The following SYN1 variants were observed in gnomAD, a reference collection of about 807,000 sequenced individuals.
SYN1 encodes synapsin I.
In SYN1, 8 loss-of-function variants were observed where a neutral mutation model predicts 44.6. The ratio of observed to expected loss-of-function variants is 0.18; its 90% CI spans 0.11 to 0.32. The LOEUF (loss-of-function observed/expected upper bound fraction) is 0.32. Ranked by LOEUF, SYN1 falls within the 10% of genes least tolerant of loss-of-function variation. SYN1 has a pLI of 1.00. For missense variants in SYN1, 451 were observed against 639.4 expected (o/e 0.71, Z 3.18); for synonymous variants, 275 against 280.1 (o/e 0.98, Z 0.18).
rs968471465 is a variant in SYN1 at position 47,619,777 on chromosome X, G to A, written c.-49C>T. 1.8e-6 allele frequency: 2 copies of A among 1,134,019 alleles called. No individual in the cohort carries two copies. Among genetic ancestry groups the A allele is most frequent in the Non-Finnish European group, 2.3e-6 (2 of 851,315 alleles). The allele number at this position is 1,134,019 out of a possible 1,213,427, so 93.5% of individuals were successfully genotyped here. ...CCTAGGGGTGGTCTGGCCAGGAGCC[G>A]CGGGGGCGGACTGCGCGGTGCCCAG... On this transcript the variant is annotated 5_prime_UTR_variant, in exon 1 of 13. Coordinates refer to ENST00000295987, the MANE Select transcript of SYN1 (RefSeq NM_006950.3).
chrX:47,586,596 G>C, intron 5 of SYN1: 1 of 1,212,174 alleles, frequency 8.2e-7, no homozygotes, highest in Non-Finnish European at 1.1e-6. Flanking sequence ...GCTCCTCCAA[G>C]GCTCTGAAAA....
intron 5 of SYN1, among the ~76,000 whole-genome samples, chrX:47,593,150 C>T (rs2057853403): frequency 9.0e-6 from 1 of 111,436 alleles, no homozygotes; most frequent in Non-Finnish European, 1.9e-5. Flanking sequence ...CTGCCTTGGC[C>T]TCCCAAAGTG....
At chrX:47,608,588 A>G (rs2057907032) in intron 1 of SYN1, among the ~76,000 whole-genome samples, 1 of 110,726 alleles carries the variant, frequency 9.0e-6, no homozygotes, top group Admixed American at 9.6e-5. Flanking sequence ...GTAGCTGGCA[A>G]TGATGGGGGG....
At chrX:47,615,632 C>A (rs1216413165) in intron 1 of SYN1, among the ~76,000 whole-genome samples, 1 of 112,156 alleles carries the variant, frequency 8.9e-6, no homozygotes, top group Non-Finnish European at 1.9e-5. Context: ...GAGAGCCGGG[C>A]ACGGTGGCTC....
chrX:47,585,350 G>A lies in SYN1; in HGVS notation c.775-7849C>T, dbSNP rs768138714. On this transcript the variant is annotated intron_variant, in intron 5 of 12. Transcript: ENST00000295987. ...ATTGCTGGTGAGGCACCGTCCCCGC[G>A]CCCTGTGCCACACCAACCAGTCCCT... The A allele has an allele frequency of 3.2e-5, 39 of 1,209,155 alleles. No individual in the cohort carries two copies. In the South Asian group the frequency reaches 5.6e-4, roughly 18 times the overall value.
intron 5 of SYN1, among the ~76,000 whole-genome samples, chrX:47,589,223 G>A (rs1487978470): frequency 9.3e-6 from 1 of 107,406 alleles, no homozygotes; most frequent in East Asian, 2.9e-4. Context: ...TTTGAACCCA[G>A]GAGGCGGAAG....
chrX:47,596,010 T>G (rs2057862608), intron 5 of SYN1, among the ~76,000 whole-genome samples: 1 of 112,529 alleles, frequency 8.9e-6, no homozygotes. Flanking sequence ...GAACTTCTCT[T>G]GTACACATCC....
chrX:47,589,272 G>C (rs2147921195), intron 5 of SYN1, among the ~76,000 whole-genome samples: 1 of 96,796 alleles, frequency 1.0e-5, no homozygotes, highest in South Asian at 5.1e-4. Flanking sequence ...ACCCCAGGCT[G>C]GGGGATAGAG....
intron 5 of SYN1, chrX:47,585,558 G>T: frequency 8.3e-7 from 1 of 1,200,530 alleles, no homozygotes; most frequent in Non-Finnish European, 1.1e-6. Flanking sequence ...CTGCAGGATG[G>T]ACTCTTGCAC....
chrX:47,598,082 C>T (rs746456736), intron 5 of SYN1, among the ~76,000 whole-genome samples: 146 of 112,235 alleles, frequency 1.3e-3, no homozygotes, highest in African/African-American at 3.9e-3. Flanking sequence ...TGTAAATCTA[C>T]ATAAAGAAAT....
In SYN1 at chrX:47,619,523, C is replaced by T. The variant is rs1413772786; in HGVS notation, c.206G>A (p.Gly69Glu). ...GAAGAAGCCACCGCCCCCCGAGGAC[C>T]CGGGGCTAGGGGCGGCCGGAGAGGC... ...PAASPAAPSPGSSGGGGFFSS... is the reference protein window; with the variant it reads ...PAASPAAPSPESSGGGGFFSS... The change falls in exon 1 of 13, where the codon GGG (glycine) becomes GAG (glutamate). Residue 69 changes from glycine to glutamate, a missense_variant. By Grantham distance (98) the Gly-to-Glu change is moderately conservative. This residue lies in a region of SYN1 where 315 missense variants were observed against 451.4 expected (regional missense o/e 0.70). Transcript: ENST00000295987. The T allele has an allele frequency of 8.3e-7, 1 of 1,197,684 alleles. No homozygotes were observed. Among genetic ancestry groups the T allele is most frequent in the Non-Finnish European group, 1.1e-6 (1 of 891,171 alleles).
At chrX:47,585,645 C>T (rs1449836847) in intron 5 of SYN1, 1 of 1,202,023 alleles carries the variant, frequency 8.3e-7, no homozygotes, top group Non-Finnish European at 1.1e-6. Context: ...AAGACCTACA[C>T]TGTTGGCTGT....
Position 47,574,384 on chromosome X carries a change from G to C in SYN1, c.1600C>G (p.Arg534Gly). ...GCCCCGGGGCCTCCCGCCACTGGCCGGGATTGGCGGCCTTGACCCTGGGTC... is the reference window on the plus strand; with the variant it reads ...GCCCCGGGGCCTCCCGCCACTGGCCCGGATTGGCGGCCTTGACCCTGGGTC... ...PPTQGQGRQS[R>G]PVAGGPGAPP... is the part of the protein sequence containing the mutation. The change falls in exon 12 of 13, where the codon CGG (arginine) becomes GGG (glycine). Residue 534 changes from arginine to glycine, a missense_variant. Physicochemically the swap from Arg to Gly is moderately radical, Grantham distance 125. Transcript: ENST00000295987. The C allele has an allele frequency of 9.8e-7, 1 of 1,023,518 alleles. No individual in the cohort carries two copies. The highest frequency in any genetic ancestry group is 4.0e-5 in the East Asian group (1 of 25,004). 84.3% of individuals were successfully genotyped at this position (1,023,518 alleles called of 1,213,427 possible). A position where few individuals can be genotyped will look rare whatever the true frequency, so the allele number is the denominator to read the frequency against.
At chrX:47,581,093 G>C (rs969307587) in intron 5 of SYN1, among the ~76,000 whole-genome samples, 1 of 111,538 alleles carries the variant, frequency 9.0e-6, no homozygotes, top group African/African-American at 3.3e-5. Context: ...ACCCAGAATA[G>C]TGCTGGATAC....
chrX:47,584,873 G>C, intron 5 of SYN1: 1 of 976,394 alleles, frequency 1.0e-6, no homozygotes, highest in Non-Finnish European at 1.5e-6. Context: ...TGATGATGAT[G>C]ATGATCTTAT....
chrX:47,608,711 T>C (rs976379813), intron 1 of SYN1, among the ~76,000 whole-genome samples: 1 of 109,886 alleles, frequency 9.1e-6, no homozygotes, highest in African/African-American at 3.3e-5. Flanking sequence ...CGTCCCCAGC[T>C]GGGCTTGGTT....
Position 47,606,953 on chromosome X carries a change from C to T in SYN1, c.519G>A (p.Lys173=). The change falls in exon 3 of 13, where the codon AAG becomes AAA. Residue 173 remains lysine (K), a synonymous_variant. Coordinates refer to ENST00000295987, the MANE Select transcript of SYN1 (RefSeq NM_006950.3). Reference sequence around the variant, plus strand: ...ACCCTTCTTATACTCACCGCACGACCTTCACCCCATTCCGAAGAACTTCCA... The same window carrying T: ...ACCCTTCTTATACTCACCGCACGACTTTCACCCCATTCCGAAGAACTTCCA... ...VDMEVLRNGV[K]VVRSLKPDFV... is the part of the protein sequence containing the mutation. 1 of 1,209,887 alleles carries T rather than the reference C, an allele frequency of 8.3e-7. No homozygotes were observed. The highest frequency in any genetic ancestry group is 1.1e-6 in the Non-Finnish European group (1 of 894,582).
rs1057120503 is a variant in SYN1, at chrX:47,607,048, A to G, written c.436-12T>C. 7 of 1,207,903 alleles carry G rather than the reference A, an allele frequency of 5.8e-6. No homozygotes were observed. The African/African-American group carries it at 1.2e-4, about 21-fold the overall frequency. On this transcript the variant is annotated splice_polypyrimidine_tract_variant and intron_variant, in intron 2 of 12. Coordinates refer to ENST00000295987, the MANE Select transcript of SYN1 (RefSeq NM_006950.3). ...TCAGAGAATTCGGCCTGGGAAGGAG[A>G]AAAAAACTGGTGATTCACCTACATC...
chrX:47,604,205 G>A (rs1415474895), intron 5 of SYN1, among the ~76,000 whole-genome samples: 1 of 103,941 alleles, frequency 9.6e-6, no homozygotes, highest in African/African-American at 3.6e-5. Flanking sequence ...CACCGCGCCC[G>A]GCCAGTGATT....
Sources: allele counts gnomAD v4.1 joint callset (sites outside exome capture counted in the v4.1 genomes callset), GRCh38; gene constraint gnomAD v4.1.1; regional missense constraint gnomAD v4.1.1; transcripts MANE v1.5; gene names NCBI Gene and HGNC (gene_info 2026-07-23, HGNC 2026-07-21).